The following TNR variants were observed in gnomAD, a reference collection of about 807,000 sequenced individuals.
The protein encoded by TNR is tenascin R.
In TNR, 45 loss-of-function variants were observed where a neutral mutation model predicts 150.4. The ratio of observed to expected loss-of-function variants is 0.30; its 90% CI spans 0.24 to 0.38. The LOEUF (loss-of-function observed/expected upper bound fraction) is 0.38, where lower values mean the gene tolerates loss of function less well. Ranked by LOEUF, TNR falls within the 10% of genes least tolerant of loss-of-function variation. The pLI is 1.00. For synonymous variants in TNR, 687 were observed against 678.4 expected, an observed-to-expected ratio of 1.01 and a Z score of -0.20; for missense variants, 1,544 against 1,759.1, an observed-to-expected ratio of 0.88 and a Z score of 2.19.
chr1:175,521,949 TG>T (rs1022426899), intron 2 of TNR, among the ~76,000 whole-genome samples: 21 of 152,236 alleles, frequency 1.4e-4, no homozygotes, highest in African/African-American at 5.1e-4. Flanking sequence ...TCTTAGCCCC[TG>T]GAGTGCAGCA....
intron 1 of TNR, among the ~76,000 whole-genome samples, chr1:175,721,690 T>C (rs1667305433): frequency 6.6e-6 from 1 of 152,178 alleles, no homozygotes; most frequent in African/African-American, 2.4e-5. Flanking sequence ...GTCTTCAGTG[T>C]TGAGGAACAA....
At chr1:175,645,610 T>C (rs1267231170) in intron 1 of TNR, among the ~76,000 whole-genome samples, 2 of 152,240 alleles carry the variant, frequency 1.3e-5, no homozygotes, top group Non-Finnish European at 2.9e-5. Context: ...ATTCTTAAAA[T>C]GGCCTTCCAT....
At chr1:175,341,164 G>A (rs1042435702) in intron 18 of TNR, among the ~76,000 whole-genome samples, 7 of 152,034 alleles carry the variant, frequency 4.6e-5, no homozygotes, top group African/African-American at 1.5e-4. Context: ...CAAATTTCAG[G>A]CCCTCCTAGC....
intron 1 of TNR, among the ~76,000 whole-genome samples, chr1:175,639,946 C>A (rs1367513319): frequency 6.6e-6 from 1 of 152,220 alleles, no homozygotes; most frequent in African/African-American, 2.4e-5. Context: ...TCTGCAGAAC[C>A]TGACAATCTC....
At chr1:175,550,918 G>T (rs188983748) in intron 1 of TNR, among the ~76,000 whole-genome samples, 28 of 152,178 alleles carry the variant, frequency 1.8e-4, no homozygotes, top group African/African-American at 6.5e-4. Flanking sequence ...TGTTTAAATT[G>T]ACACCATGTG....
chr1:175,668,951 C>T (rs1665610633), intron 1 of TNR, among the ~76,000 whole-genome samples: 1 of 152,208 alleles, frequency 6.6e-6, no homozygotes, highest in East Asian at 1.9e-4. Flanking sequence ...CCCACTTGCT[C>T]AGTTCCAGTG....
intron 1 of TNR, among the ~76,000 whole-genome samples, chr1:175,628,902 A>C (rs986560063): frequency 1.3e-5 from 2 of 152,180 alleles, no homozygotes; most frequent in Admixed American, 6.5e-5. Context: ...CATGAAGGAC[A>C]CTTATCTCTG....
At chr1:175,407,034 C>T (rs1653996293) in intron 2 of TNR, among the ~76,000 whole-genome samples, 1 of 152,154 alleles carries the variant, frequency 6.6e-6, no homozygotes, top group Admixed American at 6.5e-5. Flanking sequence ...AGGTCTGGTC[C>T]CATGGTGGGC....
intron 1 of TNR, among the ~76,000 whole-genome samples, chr1:175,666,126 C>A (rs1665526160): frequency 6.6e-6 from 1 of 152,250 alleles, no homozygotes; most frequent in Non-Finnish European, 1.5e-5. Flanking sequence ...CGTCATATAA[C>A]CCTGAAAGGT....
chr1:175,717,906 T>A (rs936340656), intron 1 of TNR, among the ~76,000 whole-genome samples: 1 of 152,180 alleles, frequency 6.6e-6, no homozygotes, highest in Non-Finnish European at 1.5e-5. Flanking sequence ...ACCTGCATAA[T>A]CGAGAAAGCC....
At chr1:175,463,300 T>C (rs1277780890) in intron 2 of TNR, among the ~76,000 whole-genome samples, 1 of 152,228 alleles carries the variant, frequency 6.6e-6, no homozygotes, top group African/African-American at 2.4e-5. Flanking sequence ...TTTTACTGCA[T>C]ACACTTGTTG....
At chr1:175,418,508 G>A (rs1376686838) in intron 2 of TNR, among the ~76,000 whole-genome samples, 1 of 152,180 alleles carries the variant, frequency 6.6e-6, no homozygotes, top group Non-Finnish European at 1.5e-5. Flanking sequence ...TGGATCACGA[G>A]GTCAGGAGAT....
At chr1:175,481,912 T>C (rs1438792384) in intron 2 of TNR, among the ~76,000 whole-genome samples, 1 of 152,120 alleles carries the variant, frequency 6.6e-6, no homozygotes, top group Non-Finnish European at 1.5e-5. Context: ...TCTGTTCTGG[T>C]TGTCATTCCT....
chr1:175,391,955 T>C (rs1358848952), intron 6 of TNR, among the ~76,000 whole-genome samples: 1 of 152,232 alleles, frequency 6.6e-6, no homozygotes, highest in Non-Finnish European at 1.5e-5. Context: ...TATTTTGCTA[T>C]ATCTGGAGTT....
intron 1 of TNR, among the ~76,000 whole-genome samples, chr1:175,646,214 C>T (rs1290440287): frequency 3.9e-5 from 6 of 152,204 alleles, no homozygotes; most frequent in Admixed American, 3.9e-4. Flanking sequence ...TAAAAGGGCT[C>T]CCATCTGACT....
At chr1:175,392,425 G>A (rs1316366898) in intron 6 of TNR, among the ~76,000 whole-genome samples, 4 of 152,154 alleles carry the variant, frequency 2.6e-5, no homozygotes, top group Admixed American at 6.5e-5. Flanking sequence ...AAACCATGTG[G>A]CCATGCATTT....
intron 1 of TNR, among the ~76,000 whole-genome samples, chr1:175,648,726 A>G (rs1664873039): frequency 6.6e-6 from 1 of 151,968 alleles, no homozygotes; most frequent in African/African-American, 2.4e-5. Context: ...CCTTCAAGTC[A>G]TTGTTCTCCT....
At chr1:175,396,447 T>A (rs1653428088) in intron 5 of TNR, 97 bp downstream of exon 5, 1 of 1,442,770 alleles carries the variant, frequency 6.9e-7, no homozygotes, top group Non-Finnish European at 9.4e-7. Flanking sequence ...ATTCCAGGCA[T>A]CCCTGAAGAA....
intron 2 of TNR, among the ~76,000 whole-genome samples, chr1:175,418,244 A>T (rs957709870): frequency 6.6e-6 from 1 of 152,174 alleles, no homozygotes; most frequent in African/African-American, 2.4e-5. Context: ...AAAGATATTC[A>T]TATAACAAGC....
Sources: gnomAD v4.1 joint callset for allele counts (sites outside exome capture counted in the v4.1 genomes callset) on GRCh38, gnomAD v4.1.1 for gene constraint, MANE v1.5 for transcripts, NCBI Gene and HGNC (gene_info 2026-07-23, HGNC 2026-07-21) for gene names.